CERKL: variants seen among roughly 807,000 people sequenced by gnomAD.
CERKL encodes the protein CERK like autophagy regulator.
CERKL carries 61 observed loss-of-function variants against 63.4 expected under a neutral mutation model. The ratio of observed to expected loss-of-function variants is 0.96; its 90% CI spans 0.78 to 1.19. CERKL has a LOEUF of 1.19. CERKL is among the 50% of genes most tolerant of loss of function. The pLI is 0.00. For synonymous variants in CERKL, 250 were observed against 230.5 expected (o/e 1.08, Z -0.77); for missense variants, 675 against 655.5 (o/e 1.03, Z -0.33).
At position 181,628,855 on chromosome 2, in the gene CERKL, A is replaced by C. The variant is rs189138416; in HGVS notation, c.239-24776T>G. ...TCCCCAAGAACAAATCCCACTCAAT[A>C]AAGATGTGTTTCCAGGATACATATA... On this transcript the variant is annotated intron_variant, in intron 1 of 12. Coordinates refer to ENST00000410087, the MANE Select transcript of CERKL (RefSeq NM_201548.5). Among the ~76,000 whole-genome samples the C allele has an allele frequency of 3.7e-3, 556 of 152,266 alleles. 4 individuals carry two copies. Among genetic ancestry groups the C allele is most frequent in the African/African-American group, 0.013 (548 of 41,564 alleles).
intron 1 of CERKL, among the ~76,000 whole-genome samples, chr2:181,621,012 G>T (rs532799717): frequency 1.3e-5 from 2 of 152,184 alleles, no homozygotes; most frequent in African/African-American, 4.8e-5. Context: ...CAACATTCAA[G>T]ACAAAGGTCA....
At chr2:181,548,322 GGAGA>G in intron 8 of CERKL, 1 of 567,416 alleles carries the variant, frequency 1.8e-6, no homozygotes, top group Non-Finnish European at 3.1e-6. Context: ...AAGGAGGGAG[GGAGA>G]GACAGGGGGA....
intron 1 of CERKL, among the ~76,000 whole-genome samples, chr2:181,652,493 A>T (rs1687982964): frequency 6.6e-6 from 1 of 152,204 alleles, no homozygotes; most frequent in South Asian, 2.1e-4. Context: ...AAAAATAAAA[A>T]TAGATTAAAG....
At chr2:181,607,941 G>C (rs1685786810) in intron 1 of CERKL, among the ~76,000 whole-genome samples, 1 of 152,084 alleles carries the variant, frequency 6.6e-6, no homozygotes, top group South Asian at 2.1e-4. Context: ...TATATTTGTG[G>C]GTATTTTCCA....
chr2:181,646,830 GA>G (rs1687691531), intron 1 of CERKL, among the ~76,000 whole-genome samples: 1 of 152,214 alleles, frequency 6.6e-6, no homozygotes, highest in South Asian at 2.1e-4. Flanking sequence ...TTTCAGTAGA[GA>G]AAGAACAAAG....
At chr2:181,599,970 T>A (rs1017491445) in intron 2 of CERKL, among the ~76,000 whole-genome samples, 3 of 152,026 alleles carry the variant, frequency 2.0e-5, no homozygotes, top group Non-Finnish European at 4.4e-5. Context: ...AAATTACCTA[T>A]AAAGGAAATC....
intron 11 of CERKL, among the ~76,000 whole-genome samples, chr2:181,543,437 A>C (rs1279711750): frequency 1.3e-5 from 2 of 152,206 alleles, no homozygotes; most frequent in Non-Finnish European, 2.9e-5. Context: ...GTGGGACTGT[A>C]ATTTTTTATG....
At position 181,544,823 on chromosome 2, in the gene CERKL, T is replaced by G. The variant is rs993228386; in HGVS notation, c.1269-27A>C. 9 of 1,408,446 alleles carry G rather than the reference T, an allele frequency of 6.4e-6. No individual in the cohort carries two copies. The African/African-American group carries it at 7.2e-5, about 11-fold the overall frequency. 87.2% of individuals were successfully genotyped at this position (1,408,446 alleles called of 1,614,324 possible). ...TGAAATTAAATATTTCTATTAGACA[T>G]CAAGAAATTTACTAAGAGATTATAC... On this transcript the variant is annotated intron_variant, in intron 10 of 12. Transcript: ENST00000410087.
rs185071500 is a variant in CERKL at position 181,598,998 on chromosome 2, C to G, written c.481+4839G>C. 3.0e-3 allele frequency among the ~76,000 whole-genome samples: 462 copies of G among 152,242 alleles called. 5 individuals carry two copies. The highest frequency in any genetic ancestry group is 0.01 in the African/African-American group (418 of 41,538). ...CACTACAAAAAGAGTGTCTTCATAC[C>G]TCCAAAGAATTGCACTAGCTCTATA... is the stretch of plus-strand genomic sequence containing the variant. On this transcript the variant is annotated intron_variant, in intron 2 of 12. Coordinates refer to ENST00000410087, the MANE Select transcript of CERKL (RefSeq NM_201548.5).
At chr2:181,562,814 TCA>T (rs1243905328) in intron 4 of CERKL, among the ~76,000 whole-genome samples, 1 of 152,274 alleles carries the variant, frequency 6.6e-6, no homozygotes, top group Non-Finnish European at 1.5e-5. Context: ...TAGTTTTGAT[TCA>T]CAGTTTTTTT....
intron 1 of CERKL, among the ~76,000 whole-genome samples, chr2:181,634,894 T>C (rs1049057813): frequency 6.6e-6 from 1 of 152,158 alleles, no homozygotes; most frequent in African/African-American, 2.4e-5. Flanking sequence ...AAGGCTGAGA[T>C]CTTCTAGAAT....
chr2:181,653,985 C>T lies in CERKL; in HGVS notation c.238+2784G>A, dbSNP rs567072001. 7.9e-5 allele frequency among the ~76,000 whole-genome samples: 12 copies of T among 152,108 alleles called. No homozygotes were observed. The South Asian group carries it at 1.9e-3, about 24-fold the overall frequency. ...CTACTTTGATTGGATAATTGTACAA[C>T]GTAAATATCAAAACATCAAATAGTA... On this transcript the variant is annotated intron_variant, in intron 1 of 12. Transcript: ENST00000410087.
chr2:181,538,114 T>C lies in CERKL; in HGVS notation c.*70A>G, dbSNP rs752139907. The C allele has an allele frequency of 1.8e-5, 20 of 1,097,606 alleles. No homozygotes were observed. The highest frequency in any genetic ancestry group is 2.8e-5 in the Non-Finnish European group (20 of 717,584). The allele number at this position is 1,097,606 out of a possible 1,614,324, so 68.0% of individuals were successfully genotyped here. A position where few individuals can be genotyped will look rare whatever the true frequency, so the allele number is the denominator to read the frequency against. Reference sequence around the variant, plus strand: ...TCCCAAAAAGGGTGGGGACCACAGGTTTAAAGCATGGCCACATTTCTTTAT... The same window carrying C: ...TCCCAAAAAGGGTGGGGACCACAGGCTTAAAGCATGGCCACATTTCTTTAT... On this transcript the variant is annotated 3_prime_UTR_variant, in exon 13 of 13. Coordinates refer to ENST00000410087, the MANE Select transcript of CERKL (RefSeq NM_201548.5).
chr2:181,631,519 T>C (rs979554911), intron 1 of CERKL, among the ~76,000 whole-genome samples: 1 of 151,840 alleles, frequency 6.6e-6, no homozygotes, highest in African/African-American at 2.4e-5. Context: ...CCTTCCCCCA[T>C]GCTAATGCTG....
chr2:181,612,092 G>A (rs1685992541), intron 1 of CERKL, among the ~76,000 whole-genome samples: 1 of 152,154 alleles, frequency 6.6e-6, no homozygotes. Context: ...TTTCCTAAAA[G>A]AGAAGAAACT....
At chr2:181,578,357 T>C (rs1684348968) in intron 2 of CERKL, among the ~76,000 whole-genome samples, 1 of 152,086 alleles carries the variant, frequency 6.6e-6, no homozygotes, top group Non-Finnish European at 1.5e-5. Context: ...TGGAGTGCAG[T>C]GGCATGATCT....
intron 1 of CERKL, among the ~76,000 whole-genome samples, chr2:181,620,229 C>G (rs777706528): frequency 2.0e-5 from 3 of 151,996 alleles, no homozygotes; most frequent in Non-Finnish European, 2.9e-5. Context: ...TGGTAAAGAC[C>G]CTTACATACA....
intron 1 of CERKL, among the ~76,000 whole-genome samples, chr2:181,629,171 T>A (rs1234298309): frequency 2.0e-5 from 3 of 152,190 alleles, no homozygotes; most frequent in Non-Finnish European, 2.9e-5. Context: ...TATATAAGAA[T>A]CTTAGTTCTA....
chr2:181,566,194 G>A, intron 3 of CERKL, 73 bp from the exon 4 acceptor site: 1 of 1,096,092 alleles, frequency 9.1e-7, no homozygotes, highest in Non-Finnish European at 1.4e-6. Context: ...ACTTGTTCTG[G>A]CAAAATAATA....
Sources: allele counts gnomAD v4.1 joint callset (sites outside exome capture counted in the v4.1 genomes callset), GRCh38; gene constraint gnomAD v4.1.1; transcripts MANE v1.5; gene names NCBI Gene and HGNC (gene_info 2026-07-23, HGNC 2026-07-21).